MARCHF8: variants seen among roughly 807,000 people sequenced by gnomAD.
MARCHF8 encodes E3 ubiquitin-protein ligase MARCHF8.
MARCHF8 carries 40 observed loss-of-function variants against 51.6 expected under a neutral mutation model. The observed-to-expected ratio is 0.77, with a 90% CI of 0.60 to 1.01. The LOEUF (loss-of-function observed/expected upper bound fraction) is 1.01, where lower values mean the gene tolerates loss of function less well. Ranked by LOEUF, MARCHF8 falls within the 50% of genes least tolerant of loss-of-function variation. MARCHF8 has a pLI of 0.00. For missense variants in MARCHF8, 685 were observed against 708.6 expected (o/e 0.97, Z 0.38); for synonymous variants, 263 against 280.3 (o/e 0.94, Z 0.62).
At chr10:45,556,066 T>C (rs942144563) in intron 1 of MARCHF8, among the ~76,000 whole-genome samples, 1 of 152,206 alleles carries the variant, frequency 6.6e-6, no homozygotes, top group Non-Finnish European at 1.5e-5. Flanking sequence ...GTCACTACTG[T>C]TTCAAAGCAA....
chr10:45,520,814 TTA>T (rs1349693399), intron 2 of MARCHF8, among the ~76,000 whole-genome samples: 4 of 152,176 alleles, frequency 2.6e-5, no homozygotes, highest in Non-Finnish European at 4.4e-5. Flanking sequence ...ACAAAATATT[TTA>T]TGAGGATTAA....
At chr10:45,509,095 T>A (rs1342504744) in intron 2 of MARCHF8, among the ~76,000 whole-genome samples, 1 of 152,204 alleles carries the variant, frequency 6.6e-6, no homozygotes, top group African/African-American at 2.4e-5. Flanking sequence ...GCCAGGTACT[T>A]TGGGGCACAG....
At chr10:45,531,356 A>C (rs1266684124) in intron 2 of MARCHF8, among the ~76,000 whole-genome samples, 1 of 152,200 alleles carries the variant, frequency 6.6e-6, no homozygotes, top group Non-Finnish European at 1.5e-5. Context: ...AGAAATGCTA[A>C]AGTCCTTTAG....
At chr10:45,503,461 G>A (rs779969567) in intron 2 of MARCHF8, among the ~76,000 whole-genome samples, 5 of 151,890 alleles carry the variant, frequency 3.3e-5, no homozygotes, top group Admixed American at 3.3e-4. Flanking sequence ...GCTTGAGCCC[G>A]GGAGGCAGAG....
Position 45,457,995 on chromosome 10 carries a change from T to A in MARCHF8, c.*244A>T. Reference sequence around the variant, plus strand: ...GGGCAGGAACTCTGCTGGCTCCCCATGATGTCATCATGGGGTCTTCCACTT... The same window carrying A: ...GGGCAGGAACTCTGCTGGCTCCCCAAGATGTCATCATGGGGTCTTCCACTT... On this transcript the variant is annotated 3_prime_UTR_variant, in exon 8 of 8. Coordinates refer to ENST00000453424, the MANE Select transcript of MARCHF8 (RefSeq NM_001282866.2). 5 of 499,414 alleles carry A rather than the reference T, an allele frequency of 1.0e-5. No individual in the cohort carries two copies. The highest frequency in any genetic ancestry group is 1.7e-5 in the Non-Finnish European group (5 of 287,314). 30.9% of individuals were successfully genotyped at this position (499,414 alleles called of 1,614,324 possible).
intron 3 of MARCHF8, among the ~76,000 whole-genome samples, chr10:45,468,861 T>A (rs1176680564): frequency 6.6e-6 from 1 of 152,258 alleles, no homozygotes; most frequent in East Asian, 1.9e-4. Context: ...GAAGCAGGTA[T>A]GCTTATACAT....
At chr10:45,521,874 T>C (rs547576877) in intron 2 of MARCHF8, among the ~76,000 whole-genome samples, 11 of 152,328 alleles carry the variant, frequency 7.2e-5, no homozygotes, top group African/African-American at 2.6e-4. Flanking sequence ...TCTGCCCATT[T>C]ACTTTTTCTT....
At chr10:45,542,773 A>G (rs764676746) in intron 1 of MARCHF8, among the ~76,000 whole-genome samples, 8 of 152,226 alleles carry the variant, frequency 5.3e-5, no homozygotes, top group Non-Finnish European at 1.0e-4. Context: ...TATAAAAAGA[A>G]TAACAGGTAT....
intron 2 of MARCHF8, among the ~76,000 whole-genome samples, chr10:45,500,218 C>T (rs1214402807): frequency 5.3e-5 from 8 of 151,840 alleles, no homozygotes; most frequent in Non-Finnish European, 1.2e-4. Flanking sequence ...TCTCAATATC[C>T]TTTTTAGATT....
chr10:45,584,886 C>T (rs1164268108), intron 1 of MARCHF8, among the ~76,000 whole-genome samples: 2 of 152,168 alleles, frequency 1.3e-5, no homozygotes, highest in African/African-American at 4.8e-5. Context: ...CCTGTAGAAG[C>T]TGAGAACGAC....
intron 3 of MARCHF8, among the ~76,000 whole-genome samples, chr10:45,468,372 G>A (rs1843040501): frequency 6.6e-6 from 1 of 152,140 alleles, no homozygotes; most frequent in Non-Finnish European, 1.5e-5. Context: ...CACCTTCCTT[G>A]GCCTCTGGCG....
chr10:45,529,789 A>G (rs551649717), intron 2 of MARCHF8, among the ~76,000 whole-genome samples: 11 of 152,302 alleles, frequency 7.2e-5, no homozygotes, highest in African/African-American at 2.6e-4. Context: ...AAAATCAATA[A>G]CAGATGTTGG....
chr10:45,532,982 A>C, intron 2 of MARCHF8, 128 bp downstream of exon 2: 1 of 616,500 alleles, frequency 1.6e-6, no homozygotes, highest in Non-Finnish European at 2.4e-6. Flanking sequence ...TCTGAGTACA[A>C]CTATTTGTGT....
In MARCHF8 at chr10:45,463,894, A is replaced by G. The variant is rs1842880623; in HGVS notation, c.345T>C (p.Thr115=). Residue 115 remains threonine, a synonymous_variant, in exon 5 of 8, where the codon ACT becomes ACC. Coordinates refer to ENST00000453424, the MANE Select transcript of MARCHF8 (RefSeq NM_001282866.2). ...HCQSSLTQGL[T]VTVICKDTLQ... ...ATGTGTCCTTACAGATAACTGTCAC[A>G]GTGAGCCCTTGTGTCAGAGAACTCT... 1 of 1,536,890 alleles carries G rather than the reference A, an allele frequency of 6.5e-7. No individual in the cohort carries two copies. Among genetic ancestry groups the G allele is most frequent in the Non-Finnish European group, 8.7e-7 (1 of 1,146,934 alleles).
chr10:45,527,471 T>C (rs1421665387), intron 2 of MARCHF8, among the ~76,000 whole-genome samples: 1 of 152,132 alleles, frequency 6.6e-6, no homozygotes, highest in Non-Finnish European at 1.5e-5. Flanking sequence ...CATCAGAGTC[T>C]ACCATGAACA....
At chr10:45,467,093 TCA>T (rs1350110656) in intron 3 of MARCHF8, among the ~76,000 whole-genome samples, 2 of 152,170 alleles carry the variant, frequency 1.3e-5, no homozygotes, top group Non-Finnish European at 2.9e-5. Flanking sequence ...TCTGCCCTGC[TCA>T]GTTTTACTTA....
At position 45,458,131 on chromosome 10, in the gene MARCHF8, C is replaced by T; in HGVS notation, c.*108G>A. ...AAAGAGAAGCCACTATAAATAGTCA[C>T]CTGTCCAGTCTATGCTATTAAAGGA... On this transcript the variant is annotated 3_prime_UTR_variant, in exon 8 of 8. Transcript: ENST00000453424. 4 of 1,149,524 alleles carry T rather than the reference C, an allele frequency of 3.5e-6. No individual in the cohort carries two copies. The highest frequency in any genetic ancestry group is 1.6e-5 in the South Asian group (1 of 61,968). The allele number at this position is 1,149,524 out of a possible 1,614,324, so 71.2% of individuals were successfully genotyped here. A position where few individuals can be genotyped will look rare whatever the true frequency, so the allele number is the denominator to read the frequency against.
intron 1 of MARCHF8, among the ~76,000 whole-genome samples, chr10:45,593,972 G>A (rs1202094203): frequency 6.6e-6 from 1 of 152,184 alleles, no homozygotes; most frequent in Admixed American, 6.5e-5. Flanking sequence ...GGGATGGGTG[G>A]TGAGAATAGT....
intron 1 of MARCHF8, among the ~76,000 whole-genome samples, chr10:45,540,492 C>G (rs574145662): frequency 1.3e-5 from 2 of 151,984 alleles, no homozygotes; most frequent in Non-Finnish European, 2.9e-5. Flanking sequence ...CAATACCATT[C>G]AGGACATAGG....
Sources: allele counts gnomAD v4.1 joint callset (sites outside exome capture counted in the v4.1 genomes callset), GRCh38; gene constraint gnomAD v4.1.1; transcripts MANE v1.5; gene names NCBI Gene and HGNC (gene_info 2026-07-23, HGNC 2026-07-21).